Variants in RARB observed in about 807,000 individuals in gnomAD.
RARB encodes the protein HBV-activated protein.
In RARB, 17 loss-of-function variants were observed where a neutral mutation model predicts 51.9. The observed-to-expected ratio is 0.33, with a 90% CI of 0.22 to 0.49. The LOEUF is 0.49. Among genes scored for constraint, RARB ranks in the 20% least tolerant of loss-of-function variants. RARB has a pLI of 0.99. For missense variants in RARB, 369 were observed against 550.8 expected (o/e 0.67, Z 3.30); for synonymous variants, 215 against 195.4 (o/e 1.10, Z -0.84).
At chr3:25,005,859 C>A (rs1017982781) in intron 2 of RARB, among the ~76,000 whole-genome samples, 2 of 152,274 alleles carry the variant, frequency 1.3e-5, no homozygotes, top group African/African-American at 4.8e-5. Context: ...TTTTCTATTT[C>A]ACTTAGCATA....
At chr3:25,208,681 G>T (rs1701620185) in intron 5 of RARB, among the ~76,000 whole-genome samples, 1 of 151,984 alleles carries the variant, frequency 6.6e-6, no homozygotes, top group Non-Finnish European at 1.5e-5. Context: ...TGACAATGCT[G>T]TCTCCTTTTG....
chr3:25,411,639 C>T (rs1156276456), intron 5 of RARB, among the ~76,000 whole-genome samples: 1 of 152,222 alleles, frequency 6.6e-6, no homozygotes, highest in African/African-American at 2.4e-5. Context: ...CTCCCAGACA[C>T]TCAAATCGCC....
intron 2 of RARB, among the ~76,000 whole-genome samples, chr3:24,876,151 G>A (rs990249038): frequency 6.6e-6 from 1 of 152,110 alleles, no homozygotes; most frequent in Non-Finnish European, 1.5e-5. Flanking sequence ...TTCATCACTT[G>A]TTTAAGGTGG....
intron 5 of RARB, among the ~76,000 whole-genome samples, chr3:25,225,880 C>A (rs1332424471): frequency 6.6e-6 from 1 of 152,176 alleles, no homozygotes; most frequent in Non-Finnish European, 1.5e-5. Context: ...ATTCACCCAA[C>A]AACCTTGCAC....
chr3:25,113,641 T>A (rs1575166394), intron 3 of RARB, among the ~76,000 whole-genome samples: 1 of 152,102 alleles, frequency 6.6e-6, no homozygotes, highest in African/African-American at 2.4e-5. Flanking sequence ...TAGCTTCAGG[T>A]CCCCAGAACC....
At chr3:25,279,266 G>A (rs1170586594) in intron 5 of RARB, among the ~76,000 whole-genome samples, 1 of 152,166 alleles carries the variant, frequency 6.6e-6, no homozygotes, top group Non-Finnish European at 1.5e-5. Context: ...TCACCACACA[G>A]CTTCTTGGGT....
chr3:25,393,006 T>G (rs984070805), intron 5 of RARB, among the ~76,000 whole-genome samples: 3 of 152,134 alleles, frequency 2.0e-5, no homozygotes, highest in Admixed American at 6.6e-5. Context: ...CCCCATACAG[T>G]ATAATGTTGG....
rs138216116 is a variant in RARB at position 25,307,569 on chromosome 3, C to T, written c.178+132994C>T. The stretch of plus-strand genomic sequence containing the variant: ...TTTGAAGGTTATGCAAAAACATCTT[C>T]ATTTCCTCCTTTGTATTTTCAAGGT... On this transcript the variant is annotated intron_variant, in intron 5 of 11. Coordinates refer to the RARB transcript ENST00000383772. 2.5e-3 allele frequency among the ~76,000 whole-genome samples: 377 copies of T among 152,280 alleles called. 1 individual carries two copies. The highest frequency in any genetic ancestry group is 8.5e-3 in the African/African-American group (353 of 41,550).
At chr3:25,339,933 C>T (rs1267582083) in intron 5 of RARB, among the ~76,000 whole-genome samples, 2 of 152,122 alleles carry the variant, frequency 1.3e-5, no homozygotes, top group African/African-American at 4.8e-5. Flanking sequence ...TAAACAATTT[C>T]TAAAAAATAA....
chr3:25,293,904 G>A (rs527944256), intron 5 of RARB, among the ~76,000 whole-genome samples: 40 of 152,240 alleles, frequency 2.6e-4, no homozygotes, highest in African/African-American at 7.5e-4. Flanking sequence ...CACATGTGTC[G>A]TAACTGGGAG....
At chr3:24,913,824 G>T (rs1326439660) in intron 2 of RARB, among the ~76,000 whole-genome samples, 1 of 152,124 alleles carries the variant, frequency 6.6e-6, no homozygotes, top group African/African-American at 2.4e-5. Context: ...AAATCTAAAA[G>T]CAACATAAAA....
At chr3:25,087,562 C>A (rs1181849627) in intron 3 of RARB, among the ~76,000 whole-genome samples, 1 of 152,050 alleles carries the variant, frequency 6.6e-6, no homozygotes, top group African/African-American at 2.4e-5. Flanking sequence ...ATAGTAAATA[C>A]CTCATAGGTT....
At chr3:25,091,094 G>A (rs28565545) in intron 3 of RARB, among the ~76,000 whole-genome samples, 7 of 152,118 alleles carry the variant, frequency 4.6e-5, no homozygotes, top group Non-Finnish European at 1.0e-4. Context: ...CCTGGGGCTT[G>A]GATTAAATGT....
At chr3:25,115,632 TC>T (rs1462196305) in intron 3 of RARB, among the ~76,000 whole-genome samples, 1 of 151,482 alleles carries the variant, frequency 6.6e-6, no homozygotes, top group Admixed American at 6.6e-5. Flanking sequence ...TTCTTTTTTT[TC>T]CTTTCTTTTT....
rs1696127458 is a variant in RARB, at chr3:24,960,951, CT to C, written c.-379-99173del. 2.0e-5 allele frequency among the ~76,000 whole-genome samples: 3 copies of C among 152,092 alleles called. No homozygotes were observed. In the South Asian group the frequency reaches 6.2e-4, roughly 31 times the overall value. On this transcript the variant is annotated intron_variant, in intron 2 of 11. Coordinates refer to the RARB transcript ENST00000383772. ...ACAGGTTGTGAAATCTTGAGGGTAA[CT>C]AGTGGCGGGGCCTGTGAGAGGGGCC...
chr3:25,081,449 T>G (rs1310430729), intron 3 of RARB, among the ~76,000 whole-genome samples: 9 of 150,418 alleles, frequency 6.0e-5, no homozygotes, highest in Non-Finnish European at 1.0e-4. Flanking sequence ...GATAGTGCTG[T>G]TCAAATATTC....
intron 5 of RARB, among the ~76,000 whole-genome samples, chr3:25,223,243 A>G (rs1452713345): frequency 6.6e-6 from 1 of 152,200 alleles, no homozygotes; most frequent in Non-Finnish European, 1.5e-5. Flanking sequence ...TGTCATACAT[A>G]TGGAATTATA....
At chr3:24,845,473 G>A (rs1702475056) in intron 1 of RARB, among the ~76,000 whole-genome samples, 1 of 152,148 alleles carries the variant, frequency 6.6e-6, no homozygotes, top group African/African-American at 2.4e-5. Flanking sequence ...GTTGGCAGAT[G>A]GGGCAAGAGA....
At chr3:25,099,112 T>C (rs1699352479) in intron 3 of RARB, among the ~76,000 whole-genome samples, 2 of 152,048 alleles carry the variant, frequency 1.3e-5, no homozygotes, top group Non-Finnish European at 2.9e-5. Flanking sequence ...AATGATTAAG[T>C]AGTTATGAGT....
Sources: allele counts gnomAD v4.1 joint callset (sites outside exome capture counted in the v4.1 genomes callset), GRCh38; gene constraint gnomAD v4.1.1; transcripts MANE v1.5; gene names NCBI Gene and HGNC (gene_info 2026-07-23, HGNC 2026-07-21).